Variants in NMUR2 observed in about 807,000 individuals in gnomAD.
NMUR2 encodes neuromedin U receptor 2, also known as neuromedin-U receptor 2.
In NMUR2, 24 loss-of-function variants were observed where a neutral mutation model predicts 25.1. The observed-to-expected ratio is 0.96, with a 90% CI of 0.69 to 1.34. The LOEUF (loss-of-function observed/expected upper bound fraction) is 1.34. Ranked by LOEUF, NMUR2 falls within the 40% of genes most tolerant of loss-of-function variation. NMUR2 has a pLI of 0.00. For synonymous variants in NMUR2, 218 were observed against 208.1 expected (o/e 1.05, Z -0.41); for missense variants, 533 against 512.8 (o/e 1.04, Z -0.38).
intron 3 of NMUR2, among the ~76,000 whole-genome samples, chr5:152,394,263 A>G (rs966854966): frequency 6.6e-6 from 1 of 152,182 alleles, no homozygotes; most frequent in Non-Finnish European, 1.5e-5. Context: ...TTGGTTGCAA[A>G]TGGTTGAACA....
chr5:152,399,332 T>G (rs1233909829), intron 1 of NMUR2, among the ~76,000 whole-genome samples: 1 of 152,102 alleles, frequency 6.6e-6, no homozygotes, highest in Admixed American at 6.6e-5. Context: ...CTTTAATTTG[T>G]ATAGAGGTGT....
rs150001536 is a variant in NMUR2, at chr5:152,395,576, C to T, written c.820G>A (p.Val274Ile). 1.3e-4 allele frequency: 206 copies of T among 1,613,270 alleles called. 1 individual carries two copies. In the African/African-American group the frequency reaches 2.5e-3, roughly 19 times the overall value. Residue 274 changes from valine (V) to isoleucine (I), a missense_variant, in exon 3 of 4, where the codon GTC (valine) becomes ATC (isoleucine). Val to Ile is a conservative substitution (Grantham distance 29). Coordinates refer to ENST00000255262, the MANE Select transcript of NMUR2 (RefSeq NM_020167.5). ...GCCCAACAGATAGCAAACACTAAGA[C>T]CAAGACAACTGAAAATGGATGATAA... ...KSVNKMLFVL[V>I]LVFAICWAPF...
rs748746065 is a variant in NMUR2 at position 152,398,061 on chromosome 5, C to G, written c.810G>C (p.Leu270=). 6.2e-7 allele frequency: 1 copy of G among 1,610,970 alleles called. No individual in the cohort carries two copies. The highest frequency in any genetic ancestry group is 8.5e-7 in the Non-Finnish European group (1 of 1,177,724). Residue 270 remains leucine, a splice_region_variant and synonymous_variant, in exon 2 of 4, where the codon CTG becomes CTC. Coordinates refer to ENST00000255262, the MANE Select transcript of NMUR2 (RefSeq NM_020167.5). The part of the protein sequence containing the change: ...RPCRKSVNKM[L]FVLVLVFAIC... ...CAAAAAACAAAATGGGGCACTTACA[C>G]AGCATCTTGTTGACTGATTTTCTGC... is the stretch of plus-strand genomic sequence containing the variant.
In NMUR2 at chr5:152,392,481, A is replaced by C. The variant is rs768565761; in HGVS notation, c.958T>G (p.Ser320Ala). 6.2e-7 allele frequency: 1 copy of C among 1,613,018 alleles called. No individual in the cohort carries two copies. Among genetic ancestry groups the C allele is most frequent in the South Asian group, 1.1e-5 (1 of 91,004 alleles). Reference protein sequence around the residue: ...VVSGVFFYLSSAVNPIIYNLL... With the variant: ...VVSGVFFYLSAAVNPIIYNLL... ...TTATAGATAATGGGGTTGACAGCTG[A>C]GCTCAGGTAGAAGAAGACACCTGGA... is the stretch of plus-strand genomic sequence containing the variant. Residue 320 changes from serine to alanine, a missense_variant, in exon 4 of 4, where the codon TCA becomes GCA. Physicochemically the swap from Ser to Ala is moderately conservative, Grantham distance 99. Coordinates refer to ENST00000255262, the MANE Select transcript of NMUR2 (RefSeq NM_020167.5).
intron 1 of NMUR2, among the ~76,000 whole-genome samples, chr5:152,403,139 GT>G (rs539697948): frequency 1.3e-5 from 2 of 150,976 alleles, no homozygotes; most frequent in Non-Finnish European, 1.5e-5. Context: ...GCTCACAGGT[GT>G]TTTTTTTTCT....
intron 2 of NMUR2, among the ~76,000 whole-genome samples, chr5:152,396,529 C>T (rs1192642146): frequency 6.6e-6 from 1 of 152,088 alleles, no homozygotes; most frequent in Non-Finnish European, 1.5e-5. Flanking sequence ...TCAAAGATAA[C>T]TATAGGTTTC....
Position 152,404,707 on chromosome 5 carries a change from C to T in NMUR2, c.407G>A (p.Ser136Asn). ...FETVCFASIL[S>N]ITTVSVERYV... ...GCGCTCCACGCTGACGGTGGTGATG[C>T]TGAGGATGGAGGCGAAGCACACGGT... The change falls in exon 1 of 4, where the codon AGC (serine) becomes AAC (asparagine). Residue 136 changes from serine to asparagine, a missense_variant. Coordinates refer to ENST00000255262, the MANE Select transcript of NMUR2 (RefSeq NM_020167.5). 6.2e-7 allele frequency: 1 copy of T among 1,614,118 alleles called. No homozygotes were observed. The highest frequency in any genetic ancestry group is 8.5e-7 in the Non-Finnish European group (1 of 1,180,036).
intron 1 of NMUR2, among the ~76,000 whole-genome samples, chr5:152,404,115 C>A (rs908721961): frequency 6.6e-6 from 1 of 152,092 alleles, no homozygotes; most frequent in Admixed American, 6.5e-5. Flanking sequence ...AAGTTTTCTG[C>A]ATGATTCTTA....
intron 3 of NMUR2, 83 bp downstream of exon 3, chr5:152,395,376 G>T (rs1313258216): frequency 6.8e-7 from 1 of 1,472,642 alleles, no homozygotes. Context: ...ATAAATTGGA[G>T]TACTTAGGCA....
Position 152,395,534 on chromosome 5 carries a change from G to T in NMUR2, c.862C>A (p.Arg288=). The T allele has an allele frequency of 1.2e-6, 2 of 1,613,486 alleles. No individual in the cohort carries two copies. The highest frequency in any genetic ancestry group is 1.7e-6 in the Non-Finnish European group (2 of 1,179,772). Residue 288 remains arginine, a synonymous_variant, in exon 3 of 4, where the codon CGA becomes AGA. Coordinates refer to ENST00000255262, the MANE Select transcript of NMUR2 (RefSeq NM_020167.5). ...AICWAPFHID[R]LFFSFVEEWS... ...TCCTCCACAAAGCTGAAGAAGAGTCGGTCAATGTGGAACGGGGCCCAACAG... is the reference window on the plus strand; with the variant it reads ...TCCTCCACAAAGCTGAAGAAGAGTCTGTCAATGTGGAACGGGGCCCAACAG...
At chr5:152,403,869 A>G (rs1729454443) in intron 1 of NMUR2, among the ~76,000 whole-genome samples, 1 of 152,102 alleles carries the variant, frequency 6.6e-6, no homozygotes, top group Admixed American at 6.6e-5. Context: ...CCTATCTTGG[A>G]CTACAAAATA....
In NMUR2 at chr5:152,405,163, G is replaced by T; in HGVS notation, c.-50C>A. 4 of 1,336,102 alleles carry T rather than the reference G, an allele frequency of 3.0e-6. No homozygotes were observed. Among genetic ancestry groups the T allele is most frequent in the Non-Finnish European group, 3.9e-6 (4 of 1,015,930 alleles). The allele number at this position is 1,336,102 out of a possible 1,614,324, so 82.8% of individuals were successfully genotyped here. A position where few individuals can be genotyped will look rare whatever the true frequency, so the allele number is the denominator to read the frequency against. The stretch of plus-strand genomic sequence containing the variant: ...CTGGTACGAGGCTCTGTTTCAAGCT[G>T]AGCCAGGAAAAAAAAAAAAAAAAGA... On this transcript the variant is annotated 5_prime_UTR_variant, in exon 1 of 4. Coordinates refer to ENST00000255262, the MANE Select transcript of NMUR2 (RefSeq NM_020167.5).
chr5:152,399,136 G>A (rs886254410), intron 1 of NMUR2, among the ~76,000 whole-genome samples: 17 of 151,960 alleles, frequency 1.1e-4, no homozygotes, highest in African/African-American at 4.1e-4. Context: ...TAATTTGTGG[G>A]GATGTTTGGC....
Position 152,404,955 on chromosome 5 carries a change from C to T in NMUR2, c.159G>A (p.Val53=). 6.2e-7 allele frequency: 1 copy of T among 1,613,972 alleles called. No homozygotes were observed. Among genetic ancestry groups the T allele is most frequent in the Non-Finnish European group, 8.5e-7 (1 of 1,180,000 alleles). The part of the protein sequence containing the change: ...HFFLPVSVVY[V]PIFVVGVIGN... Reference sequence around the variant, plus strand: ...CAATGACCCCCACCACAAAAATTGGCACATACACCACAGACACGGGGAGGA... The same window carrying T: ...CAATGACCCCCACCACAAAAATTGGTACATACACCACAGACACGGGGAGGA... Residue 53 remains valine, a synonymous_variant, in exon 1 of 4, where the codon GTG becomes GTA. Transcript: ENST00000255262.
intron 3 of NMUR2, among the ~76,000 whole-genome samples, chr5:152,395,204 A>AT (rs1276498832): frequency 6.6e-6 from 1 of 152,134 alleles, no homozygotes; most frequent in Non-Finnish European, 1.5e-5. Flanking sequence ...CTCCTTGACC[A>AT]TTTTCCTTCT....
At chr5:152,394,015 T>C (rs945568251) in intron 3 of NMUR2, among the ~76,000 whole-genome samples, 1 of 149,614 alleles carries the variant, frequency 6.7e-6, no homozygotes, top group South Asian at 2.1e-4. Context: ...GTTTAAGAGA[T>C]TTAGATTTAA....
At chr5:152,397,528 G>A (rs1753177083) in intron 2 of NMUR2, among the ~76,000 whole-genome samples, 1 of 151,884 alleles carries the variant, frequency 6.6e-6, no homozygotes, top group Admixed American at 6.6e-5. Context: ...GAGTCTATGA[G>A]TATCAGGGGT....
chr5:152,395,355 A>G lies in NMUR2; in HGVS notation c.937+104T>C, dbSNP rs1381979425. The G allele has an allele frequency of 1.6e-5, 21 of 1,297,308 alleles. No homozygotes were observed. The South Asian group carries it at 2.6e-4, about 16-fold the overall frequency. 80.4% of individuals were successfully genotyped at this position (1,297,308 alleles called of 1,614,324 possible). A position where few individuals can be genotyped will look rare whatever the true frequency, so the allele number is the denominator to read the frequency against. On this transcript the variant is annotated intron_variant, in intron 3 of 3. Coordinates refer to ENST00000255262, the MANE Select transcript of NMUR2 (RefSeq NM_020167.5). ...TCAAATGTCTTCATTATAGCATGGC[A>G]GATCCCCGTGATAAATTGGAGTACT...
Position 152,392,292 on chromosome 5 carries a change from G to A in NMUR2, c.1147C>T (p.Pro383Ser). 6.2e-7 allele frequency: 1 copy of A among 1,613,954 alleles called. No homozygotes were observed. The highest frequency in any genetic ancestry group is 8.5e-7 in the Non-Finnish European group (1 of 1,179,912). The change falls in exon 4 of 4, where the codon CCA becomes TCA. Residue 383 changes from proline to serine, a missense_variant. Physicochemically the swap from Pro to Ser is moderately conservative, Grantham distance 74. Transcript: ENST00000255262. ...ELTEDIGPQF[P>S]CQSSMHNSHL... is the part of the protein sequence containing the mutation. ...GAGTTGTGCATGGATGACTGACATGGGAATTGGGGACCTATATCTTCGGTC... is the reference window on the plus strand; with the variant it reads ...GAGTTGTGCATGGATGACTGACATGAGAATTGGGGACCTATATCTTCGGTC...
Sources: gnomAD v4.1 joint callset for allele counts (sites outside exome capture counted in the v4.1 genomes callset) on GRCh38, gnomAD v4.1.1 for gene constraint, MANE v1.5 for transcripts, NCBI Gene and HGNC (gene_info 2026-07-23, HGNC 2026-07-21) for gene names.